PTPRD: variants seen among roughly 807,000 people sequenced by gnomAD.
PTPRD encodes receptor-type tyrosine-protein phosphatase delta.
PTPRD carries 34 observed loss-of-function variants against 214.5 expected under a neutral mutation model. The observed-to-expected ratio is 0.16, with a 90% CI of 0.12 to 0.21. PTPRD has a LOEUF of 0.21. PTPRD is among the 10% of genes least tolerant of loss of function. The pLI, the probability that PTPRD is intolerant of heterozygous loss-of-function variation, is 1.00. For missense variants in PTPRD, 2,545 were observed against 2,398.7 expected, an observed-to-expected ratio of 1.06 and a Z score of -1.27; for synonymous variants, 1,128 against 845.7, an observed-to-expected ratio of 1.33 and a Z score of -5.79.
At chr9:10,372,041 G>A (rs1026385741) in intron 2 of PTPRD, among the ~76,000 whole-genome samples, 1 of 152,104 alleles carries the variant, frequency 6.6e-6, no homozygotes, top group African/African-American at 2.4e-5. Flanking sequence ...AGACAAAGGA[G>A]TTTGGAATCC....
At chr9:9,773,566 C>A (rs2098771034) in intron 5 of PTPRD, among the ~76,000 whole-genome samples, 1 of 152,158 alleles carries the variant, frequency 6.6e-6, no homozygotes, top group African/African-American at 2.4e-5. Context: ...AGTATTCCAT[C>A]CTCTGCTCCA....
intron 11 of PTPRD, among the ~76,000 whole-genome samples, chr9:8,762,606 A>G (rs983093854): frequency 7.9e-5 from 12 of 152,194 alleles, no homozygotes; most frequent in African/African-American, 2.9e-4. Context: ...GGCTCCTTCA[A>G]TAGAAAACCT....
At chr9:10,181,731 T>A (rs2099290086) in intron 3 of PTPRD, among the ~76,000 whole-genome samples, 1 of 151,432 alleles carries the variant, frequency 6.6e-6, no homozygotes, top group South Asian at 2.1e-4. Flanking sequence ...CAAGGTGAAC[T>A]GTTAGTAAAT....
chr9:9,436,133 G>C (rs74700356), intron 8 of PTPRD, among the ~76,000 whole-genome samples: 1,591 of 152,260 alleles, frequency 0.01, 27 homozygotes, highest in African/African-American at 0.037. Context: ...GGTCAATGGG[G>C]GATGGTAGCT....
At position 8,319,814 on chromosome 9, in the gene PTPRD, G is replaced by A. The variant is rs1428376478; in HGVS notation, c.5670+17C>T. On this transcript the variant is annotated intron_variant, in intron 45 of 45. Transcript: ENST00000381196. Reference sequence around the variant, plus strand: ...CGTAGGCTCTTGAGATGCGAAAAATGCAATGGATTTTCTCACCTCTGTCTG... The same window carrying A: ...CGTAGGCTCTTGAGATGCGAAAAATACAATGGATTTTCTCACCTCTGTCTG... The A allele has an allele frequency of 1.9e-6, 3 of 1,611,582 alleles. No individual in the cohort carries two copies. The highest frequency in any genetic ancestry group is 1.3e-5 in the African/African-American group (1 of 74,804).
rs534759051 is a variant in PTPRD, at chr9:9,450,327, T to C, written c.-236-52845A>G. ...CAAATGGTAGTTCTACTTTTATTTC[T>C]TTAGGGAATTTCCACACTGTTTTCC... is the stretch of plus-strand genomic sequence containing the variant. On this transcript the variant is annotated intron_variant, in intron 8 of 45. Transcript: ENST00000381196. Among the ~76,000 whole-genome samples, 5 of 152,094 alleles carry C rather than the reference T, an allele frequency of 3.3e-5. No individual in the cohort carries two copies. The East Asian group carries it at 9.7e-4, about 29-fold the overall frequency.
intron 11 of PTPRD, among the ~76,000 whole-genome samples, chr9:8,832,108 G>A (rs1260148213): frequency 7.5e-5 from 3 of 40,002 alleles, no homozygotes; most frequent in African/African-American, 5.1e-4. Flanking sequence ...GTGTATATGT[G>A]TGTGTGTGTG....
At chr9:9,937,019 G>C (rs1001947190) in intron 5 of PTPRD, among the ~76,000 whole-genome samples, 3 of 151,816 alleles carry the variant, frequency 2.0e-5, no homozygotes, top group Non-Finnish European at 4.4e-5. Context: ...GGTGGGAATT[G>C]AACAATGAGA....
intron 12 of PTPRD, chr9:8,713,806 C>A: frequency 6.5e-7 from 1 of 1,533,402 alleles, no homozygotes. Flanking sequence ...GCACAAGCCA[C>A]GATTCACCAC....
chr9:9,363,362 T>C (rs1006113515), intron 9 of PTPRD, among the ~76,000 whole-genome samples: 3 of 151,396 alleles, frequency 2.0e-5, no homozygotes, highest in African/African-American at 7.2e-5. Flanking sequence ...ATATCCCTTA[T>C]ACCTGAAGAA....
intron 7 of PTPRD, among the ~76,000 whole-genome samples, chr9:9,701,290 G>T (rs940389687): frequency 2.0e-5 from 3 of 152,036 alleles, no homozygotes; most frequent in African/African-American, 7.3e-5. Flanking sequence ...ATACAATAAG[G>T]AGCCATTTAA....
At chr9:8,597,075 G>T (rs188066023) in intron 14 of PTPRD, among the ~76,000 whole-genome samples, 44 of 152,110 alleles carry the variant, frequency 2.9e-4, no homozygotes, top group African/African-American at 1.0e-3. Flanking sequence ...GAAAAAAAGC[G>T]CATTTTTAAA....
chr9:8,602,452 A>G lies in PTPRD; in HGVS notation c.352+30865T>C, dbSNP rs939655762. Among the ~76,000 whole-genome samples, 4 of 152,380 alleles carry G rather than the reference A, an allele frequency of 2.6e-5. No homozygotes were observed. In the East Asian group the frequency reaches 7.7e-4, roughly 29 times the overall value. Reference sequence around the variant, plus strand: ...ATATAAACTTACTATGAGCCTTATCAGGAATGAGAATACCAGAGACCATTG... The same window carrying G: ...ATATAAACTTACTATGAGCCTTATCGGGAATGAGAATACCAGAGACCATTG... On this transcript the variant is annotated intron_variant, in intron 14 of 45. Coordinates refer to ENST00000381196, the MANE Select transcript of PTPRD (RefSeq NM_002839.4).
intron 7 of PTPRD, among the ~76,000 whole-genome samples, chr9:9,665,071 G>C (rs999786670): frequency 6.6e-5 from 10 of 151,738 alleles, no homozygotes; most frequent in Admixed American, 2.0e-4. Context: ...GTATTAAGGA[G>C]AATGATACAT....
chr9:9,727,136 A>C (rs140707862), intron 7 of PTPRD, among the ~76,000 whole-genome samples: 3 of 152,258 alleles, frequency 2.0e-5, no homozygotes, highest in African/African-American at 7.2e-5. Flanking sequence ...ATGATAGATA[A>C]TGTCAGACTT....
intron 9 of PTPRD, among the ~76,000 whole-genome samples, chr9:9,193,378 T>C (rs2099936413): frequency 6.6e-6 from 1 of 152,148 alleles, no homozygotes; most frequent in Non-Finnish European, 1.5e-5. Flanking sequence ...TATAATCTTC[T>C]CCTGTTTTGT....
At chr9:8,795,179 T>G (rs1044143873) in intron 11 of PTPRD, among the ~76,000 whole-genome samples, 3 of 152,068 alleles carry the variant, frequency 2.0e-5, no homozygotes, top group African/African-American at 7.2e-5. Flanking sequence ...AAAAAAATTT[T>G]TTTTGAGATG....
At chr9:10,123,122 C>T (rs1268738677) in intron 3 of PTPRD, among the ~76,000 whole-genome samples, 5 of 152,214 alleles carry the variant, frequency 3.3e-5, no homozygotes, top group Non-Finnish European at 2.9e-5. Context: ...AGCAAAGGCA[C>T]GTCCCACAGG....
intron 2 of PTPRD, among the ~76,000 whole-genome samples, chr9:10,549,315 C>G (rs752231801): frequency 1.3e-5 from 2 of 152,006 alleles, no homozygotes; most frequent in Non-Finnish European, 2.9e-5. Context: ...CTCTAATCAC[C>G]AGTGAGAATC....
Sources: gnomAD v4.1 joint callset for allele counts (sites outside exome capture counted in the v4.1 genomes callset) on GRCh38, gnomAD v4.1.1 for gene constraint, MANE v1.5 for transcripts, NCBI Gene and HGNC (gene_info 2026-07-23, HGNC 2026-07-21) for gene names.